Variants in IGFBP2 observed in about 807,000 individuals in gnomAD.
IGFBP2 encodes insulin-like growth factor-binding protein 2.
Under a neutral mutation model 26.2 loss-of-function variants are expected in IGFBP2, and 12 were observed. The ratio of observed to expected loss-of-function variants is 0.46; its 90% CI spans 0.29 to 0.74. IGFBP2 has a LOEUF of 0.74. Among genes scored for constraint, IGFBP2 ranks in the 30% least tolerant of loss-of-function variants. The pLI, the probability that IGFBP2 is intolerant of heterozygous loss-of-function variation, is 0.09. For missense variants in IGFBP2, 328 were observed against 441.2 expected, an observed-to-expected ratio of 0.74 and a Z score of 2.30; for synonymous variants, 189 against 200.6, an observed-to-expected ratio of 0.94 and a Z score of 0.49.
intron 1 of IGFBP2, among the ~76,000 whole-genome samples, chr2:216,647,161 C>T (rs1360224482): frequency 1.3e-5 from 2 of 152,124 alleles, no homozygotes; most frequent in African/African-American, 2.4e-5. Flanking sequence ...AATGAAGTCC[C>T]TTCATGGTAA....
At chr2:216,641,999 A>AT (rs759581642) in intron 1 of IGFBP2, among the ~76,000 whole-genome samples, 8,405 of 99,574 alleles carry the variant, frequency 0.084, 304 homozygotes, top group Middle Eastern at 0.11. Context: ...CCAGGCTTAC[A>AT]TTTTTTTTTT....
Position 216,664,154 on chromosome 2 carries a change from C to T in IGFBP2, c.*50C>T. ...CCCCTGCCCCCCGCCCCTCTCCAAA[C>T]ACCGGCAGAAAACGGAGAGTGCTTG... On this transcript the variant is annotated 3_prime_UTR_variant, in exon 4 of 4. Coordinates refer to ENST00000233809, the MANE Select transcript of IGFBP2 (RefSeq NM_000597.3). The surrounding 1 kb of genome is among the most constrained non-coding windows in gnomAD (Gnocchi z 4.6). 6.9e-7 allele frequency: 1 copy of T among 1,448,332 alleles called. No individual in the cohort carries two copies. The highest frequency in any genetic ancestry group is 9.3e-7 in the Non-Finnish European group (1 of 1,080,014). 89.7% of individuals were successfully genotyped at this position (1,448,332 alleles called of 1,614,324 possible). A position where few individuals can be genotyped will look rare whatever the true frequency, so the allele number is the denominator to read the frequency against.
In IGFBP2 at chr2:216,664,224, A is replaced by C; in HGVS notation, c.*120A>C. The C allele has an allele frequency of 2.4e-6, 2 of 821,706 alleles. No homozygotes were observed. The highest frequency in any genetic ancestry group is 3.6e-6 in the Non-Finnish European group (2 of 556,450). The allele number at this position is 821,706 out of a possible 1,614,324, so 50.9% of individuals were successfully genotyped here. A position where few individuals can be genotyped will look rare whatever the true frequency, so the allele number is the denominator to read the frequency against. On this transcript the variant is annotated 3_prime_UTR_variant, in exon 4 of 4. Coordinates refer to ENST00000233809, the MANE Select transcript of IGFBP2 (RefSeq NM_000597.3). This position sits in a 1 kb window ranked among gnomAD's most constrained non-coding sequence, Gnocchi z 4.6. ...TTTTCCAGTTCTGACACACGTATTT[A>C]TATTTGGAAAGAGACCAGCACCGAG...
intron 2 of IGFBP2, 77 bp from the exon 3 acceptor site, chr2:216,661,781 G>C (rs776263465): frequency 6.4e-7 from 1 of 1,555,726 alleles, no homozygotes; most frequent in South Asian, 1.1e-5. Context: ...GCAGCTTCTC[G>C]CTGAGCTTGC....
chr2:216,636,769 T>C (rs1167272449), intron 1 of IGFBP2, among the ~76,000 whole-genome samples: 3 of 152,216 alleles, frequency 2.0e-5, no homozygotes, highest in Non-Finnish European at 4.4e-5. Context: ...GTTCCTTCAG[T>C]ATCTCCCCAG....
intron 1 of IGFBP2, among the ~76,000 whole-genome samples, chr2:216,640,531 C>T (rs72547220): frequency 1.3e-4 from 20 of 152,154 alleles, no homozygotes; most frequent in Admixed American, 5.9e-4. Context: ...CATCTGTCCT[C>T]ACCCTATTAT....
chr2:216,641,708 T>TA (rs1467736850), intron 1 of IGFBP2, among the ~76,000 whole-genome samples: 7 of 143,160 alleles, frequency 4.9e-5, no homozygotes, highest in Non-Finnish European at 1.0e-4. Context: ...TTTTTTTTTT[T>TA]AGACAGAGTC....
At chr2:216,659,974 GC>G in intron 1 of IGFBP2, among the ~76,000 whole-genome samples, 1 of 152,252 alleles carries the variant, frequency 6.6e-6, no homozygotes, top group East Asian at 1.9e-4. Flanking sequence ...TGGCGACGTG[GC>G]CTTCCACCTT....
intron 1 of IGFBP2, among the ~76,000 whole-genome samples, chr2:216,659,198 C>T (rs893377879): frequency 6.6e-6 from 1 of 152,232 alleles, no homozygotes; most frequent in East Asian, 1.9e-4. Context: ...CACGCCTTGA[C>T]AGCAGGTGCT....
intron 1 of IGFBP2, among the ~76,000 whole-genome samples, chr2:216,654,140 A>G (rs1574563749): frequency 6.6e-6 from 1 of 152,196 alleles, no homozygotes; most frequent in South Asian, 2.1e-4. Flanking sequence ...CTGGAGTTCG[A>G]CATCTGGAAT....
At chr2:216,652,366 G>A (rs1697844126) in intron 1 of IGFBP2, among the ~76,000 whole-genome samples, 1 of 152,092 alleles carries the variant, frequency 6.6e-6, no homozygotes, top group Non-Finnish European at 1.5e-5. Flanking sequence ...AGTAGAGACG[G>A]TGTTACTCCA....
At chr2:216,654,487 C>T (rs1697882907) in intron 1 of IGFBP2, among the ~76,000 whole-genome samples, 1 of 152,214 alleles carries the variant, frequency 6.6e-6, no homozygotes, top group African/African-American at 2.4e-5. Flanking sequence ...AATTCCAACT[C>T]AGGCAGTTAG....
chr2:216,652,030 G>A (rs1054102515), intron 1 of IGFBP2, among the ~76,000 whole-genome samples: 1 of 151,898 alleles, frequency 6.6e-6, no homozygotes, highest in Non-Finnish European at 1.5e-5. Flanking sequence ...CCAAAGTGCT[G>A]GGATTACAGG....
At position 216,646,542 on chromosome 2, in the gene IGFBP2, G is replaced by A. The variant is rs148184477; in HGVS notation, c.442+12577G>A. 3.4e-3 allele frequency among the ~76,000 whole-genome samples: 513 copies of A among 152,320 alleles called. 2 individuals carry two copies. The highest frequency in any genetic ancestry group is 4.7e-3 in the Non-Finnish European group (317 of 68,034). On this transcript the variant is annotated intron_variant, in intron 1 of 3. Coordinates refer to ENST00000233809, the MANE Select transcript of IGFBP2 (RefSeq NM_000597.3). Reference sequence around the variant, plus strand: ...CTAGATGCTCTTTGATAGTGTATTAGTCTGTTTTCACGCTGCTGATAAAGA... The same window carrying A: ...CTAGATGCTCTTTGATAGTGTATTAATCTGTTTTCACGCTGCTGATAAAGA...
chr2:216,655,821 G>A (rs1333823512), intron 1 of IGFBP2, among the ~76,000 whole-genome samples: 1 of 151,938 alleles, frequency 6.6e-6, no homozygotes, highest in Non-Finnish European at 1.5e-5. Context: ...CTCAAACCCA[G>A]GAGGCGGAGG....
At chr2:216,663,630 G>A in intron 3 of IGFBP2, 1 of 287,918 alleles carries the variant, frequency 3.5e-6, no homozygotes, top group Admixed American at 4.7e-5. Context: ...ACCTCTTTGA[G>A]GCTGGGGACT....
chr2:216,658,847 C>A (rs550219409), intron 1 of IGFBP2, among the ~76,000 whole-genome samples: 1 of 152,172 alleles, frequency 6.6e-6, no homozygotes, highest in Non-Finnish European at 1.5e-5. Flanking sequence ...CCACCACACC[C>A]GGCCTAAGTC....
chr2:216,642,031 G>T (rs1235766704), intron 1 of IGFBP2, among the ~76,000 whole-genome samples: 2 of 141,836 alleles, frequency 1.4e-5, no homozygotes, highest in Non-Finnish European at 3.0e-5. Context: ...ACGGAGTCTC[G>T]CTGTGTCGCC....
rs560615953 is a variant in IGFBP2, at chr2:216,660,640, G to C, written c.526G>C (p.Ala176Pro). The part of the protein sequence containing the change: ...TMNMLGGGGS[A>P]GRKPLKSGMK... ...GAACATGTTGGGCGGGGGAGGCAGT[G>C]CTGGCCGGAAGCCCCTCAAGTCGGG... Residue 176 changes from alanine (A) to proline (P), a missense_variant, in exon 2 of 4, where the codon GCT (alanine) becomes CCT (proline). Coordinates refer to ENST00000233809, the MANE Select transcript of IGFBP2 (RefSeq NM_000597.3). 2 of 1,614,080 alleles carry C rather than the reference G, an allele frequency of 1.2e-6. No homozygotes were observed. The highest frequency in any genetic ancestry group is 1.1e-5 in the South Asian group (1 of 91,082).
Sources: gnomAD v4.1 joint callset for allele counts (sites outside exome capture counted in the v4.1 genomes callset) on GRCh38, gnomAD v4.1.1 for gene constraint, Gnocchi (gnomAD v3.1) non-coding constraint, MANE v1.5 for transcripts, NCBI Gene and HGNC (gene_info 2026-07-23, HGNC 2026-07-21) for gene names.